C1orf146: variants seen among roughly 807,000 people sequenced by gnomAD.
The protein encoded by C1orf146 is protein SPO16 homolog.
In C1orf146, 22 loss-of-function variants were observed where a neutral mutation model predicts 23.0. The ratio of observed to expected loss-of-function variants is 0.96; its 90% confidence interval spans 0.68 to 1.36. C1orf146 has a LOEUF of 1.36. Among genes scored for constraint, C1orf146 ranks in the 40% most tolerant of loss-of-function variants. The pLI is 0.00. For synonymous variants in C1orf146, 59 were observed against 65.3 expected (o/e 0.90, Z 0.47); for missense variants, 199 against 206.8 (o/e 0.96, Z 0.23).
At chr1:92,219,201 T>C (rs968071578) in intron 1 of C1orf146, among the ~76,000 whole-genome samples, 1 of 151,990 alleles carries the variant, frequency 6.6e-6, no homozygotes, top group Non-Finnish European at 1.5e-5. Context: ...GTAGGGGGGG[T>C]TATAGAAGTT....
intron 2 of C1orf146, among the ~76,000 whole-genome samples, chr1:92,235,270 C>T (rs1652247056): frequency 6.6e-6 from 1 of 152,158 alleles, no homozygotes; most frequent in Admixed American, 6.5e-5. Context: ...TCCCTCTACA[C>T]ACTGCTTTGA....
At position 92,245,716 on chromosome 1, in the gene C1orf146, T is replaced by TTAAC; in HGVS notation, c.*42_*43insTAAC. 2.3e-6 allele frequency: 3 copies of TTAAC among 1,294,656 alleles called. No individual in the cohort carries two copies. Among genetic ancestry groups the TTAAC allele is most frequent in the Non-Finnish European group, 3.2e-6 (3 of 938,694 alleles). 80.2% of individuals were successfully genotyped at this position (1,294,656 alleles called of 1,614,324 possible). A position where few individuals can be genotyped will look rare whatever the true frequency, so the allele number is the denominator to read the frequency against. On this transcript the variant is annotated 3_prime_UTR_variant, in exon 6 of 6. Coordinates refer to ENST00000370375, the MANE Select transcript of C1orf146 (RefSeq NM_001012425.2). ...TTTTCTCGAAGAATGTGAAAATAAT[T>TTAAC]AGACCTGTTAAATTATAATATTCAA...
At chr1:92,243,295 A>G (rs770147295) in intron 3 of C1orf146, among the ~76,000 whole-genome samples, 13 of 152,092 alleles carry the variant, frequency 8.5e-5, no homozygotes, top group Non-Finnish European at 1.6e-4. Context: ...ATGGCCTGAC[A>G]CTGTTTCAGA....
chr1:92,243,949 C>T (rs1652497241), intron 3 of C1orf146, among the ~76,000 whole-genome samples: 1 of 149,656 alleles, frequency 6.7e-6, no homozygotes, highest in Non-Finnish European at 1.5e-5. Flanking sequence ...ACAATGTCTT[C>T]ATCTAGGAAA....
intron 2 of C1orf146, among the ~76,000 whole-genome samples, chr1:92,231,957 A>G (rs1167727209): frequency 1.3e-5 from 2 of 152,062 alleles, no homozygotes; most frequent in African/African-American, 4.8e-5. Flanking sequence ...AGCTCACAAG[A>G]CTTCTCCATT....
chr1:92,231,819 A>AC (rs2100736878), intron 2 of C1orf146, among the ~76,000 whole-genome samples: 1 of 152,258 alleles, frequency 6.6e-6, no homozygotes, highest in East Asian at 1.9e-4. Context: ...GAGCTAAAGA[A>AC]CCAGAAACTG....
intron 1 of C1orf146, among the ~76,000 whole-genome samples, chr1:92,219,757 C>G (rs1185633975): frequency 6.6e-6 from 1 of 152,010 alleles, no homozygotes; most frequent in Non-Finnish European, 1.5e-5. Context: ...TGGCCTTAAG[C>G]AATCCTCCTG....
chr1:92,225,975 G>A (rs762467554), intron 1 of C1orf146, among the ~76,000 whole-genome samples: 1 of 152,092 alleles, frequency 6.6e-6, no homozygotes, highest in African/African-American at 2.4e-5. Context: ...ACATTTTAAT[G>A]TAATTACTCA....
At chr1:92,236,766 G>C (rs1044447978) in intron 2 of C1orf146, among the ~76,000 whole-genome samples, 19 of 152,116 alleles carry the variant, frequency 1.2e-4, no homozygotes, top group Middle Eastern at 3.2e-3. Context: ...TAGATTTGGT[G>C]TTTTCACATA....
intron 2 of C1orf146, among the ~76,000 whole-genome samples, chr1:92,235,174 C>G (rs894875313): frequency 2.0e-5 from 3 of 151,782 alleles, no homozygotes; most frequent in African/African-American, 7.3e-5. Context: ...TTTGCTCTTG[C>G]TTTTCTAGTT....
At chr1:92,223,389 C>T (rs1433510131) in intron 1 of C1orf146, among the ~76,000 whole-genome samples, 2 of 152,152 alleles carry the variant, frequency 1.3e-5, no homozygotes, top group Non-Finnish European at 2.9e-5. Flanking sequence ...CTTTAATTTG[C>T]ATTTCCCTAA....
At position 92,244,300 on chromosome 1, in the gene C1orf146, AAC is replaced by A; in HGVS notation, c.246_247del (p.Ile83SerfsTer4). The A allele has an allele frequency of 1.2e-6, 2 of 1,611,078 alleles. No individual in the cohort carries two copies. The highest frequency in any genetic ancestry group is 1.7e-6 in the Non-Finnish European group (2 of 1,177,576). ...TCTAGCCAAAATTGAGAAATTTATT[AAC>A]ATTCACCAAAATAGTTTTTTGGTTT... ...IFLAKIEKFINIHQNSFLVLS... is the reference protein window; with the variant it reads ...IFLAKIEKFIXIHQNSFLVLS... On this transcript the variant is annotated frameshift_variant, in exon 4 of 6. Transcript: ENST00000370375. LOFTEE classifies it high-confidence loss of function.
At chr1:92,237,330 G>A (rs1392158300) in intron 2 of C1orf146, among the ~76,000 whole-genome samples, 2 of 152,142 alleles carry the variant, frequency 1.3e-5, no homozygotes, top group African/African-American at 2.4e-5. Context: ...TAACAGACAG[G>A]ACCCTCAGTT....
At chr1:92,218,409 C>A (rs1651734361) in intron 1 of C1orf146, among the ~76,000 whole-genome samples, 6 of 152,020 alleles carry the variant, frequency 3.9e-5, no homozygotes, top group Admixed American at 3.9e-4. Context: ...AAGTGACTTG[C>A]TGGAGATGAT....
intron 1 of C1orf146, among the ~76,000 whole-genome samples, chr1:92,220,773 G>C (rs1651800211): frequency 6.6e-6 from 1 of 152,144 alleles, no homozygotes; most frequent in Non-Finnish European, 1.5e-5. Flanking sequence ...GCCTTGAGAG[G>C]TAGGATTAAA....
chr1:92,226,203 G>C (rs549520680), intron 1 of C1orf146, among the ~76,000 whole-genome samples: 18 of 151,880 alleles, frequency 1.2e-4, no homozygotes, highest in African/African-American at 4.4e-4. Flanking sequence ...CGTGTTATAG[G>C]AATATTTTGT....
At position 92,242,272 on chromosome 1, in the gene C1orf146, G is replaced by T. The variant is rs781350182; in HGVS notation, c.127G>T (p.Val43Leu). The T allele has an allele frequency of 6.2e-7, 1 of 1,600,006 alleles. No homozygotes were observed. The highest frequency in any genetic ancestry group is 1.7e-5 in the Admixed American group (1 of 58,814). ...RSHKVRYSDSVENGSIIFSLS... is the reference protein window; with the variant it reads ...RSHKVRYSDSLENGSIIFSLS... ...CCACAAAGTTCGATATTCAGATTCAGTGGAAAATGGATCAATTATATTTTC... is the reference window on the plus strand; with the variant it reads ...CCACAAAGTTCGATATTCAGATTCATTGGAAAATGGATCAATTATATTTTC... Residue 43 changes from valine to leucine, a missense_variant, in exon 3 of 6, where the codon GTG becomes TTG. Val to Leu is a conservative substitution (Grantham distance 32, BLOSUM62 1). Transcript: ENST00000370375.
chr1:92,225,140 G>T lies in C1orf146; in HGVS notation c.-39-6242G>T, dbSNP rs112738161. On this transcript the variant is annotated intron_variant, in intron 1 of 5. Transcript: ENST00000370375. ...TTTTTTTTTTTTTTCTTGAGACAGG[G>T]TCTCACTCTGTCACCCAGTCTAGCT... Among the ~76,000 whole-genome samples the T allele has an allele frequency of 2.7e-3, 379 of 139,298 alleles. 1 individual carries two copies. The highest frequency in any genetic ancestry group is 9.2e-3 in the African/African-American group (339 of 36,694). The allele number at this position is 139,298 out of a possible 152,430, so 91.4% of individuals were successfully genotyped here.
At chr1:92,244,894 C>A in intron 5 of C1orf146, 37 bp downstream of exon 5, 1 of 1,207,870 alleles carries the variant, frequency 8.3e-7, no homozygotes. Context: ...TACACACATA[C>A]ATTTTAAGGT....
Sources: gnomAD v4.1 joint callset for allele counts (sites outside exome capture counted in the v4.1 genomes callset) on GRCh38, gnomAD v4.1.1 for gene constraint, MANE v1.5 for transcripts, NCBI Gene and HGNC (gene_info 2026-07-23, HGNC 2026-07-21) for gene names.